Variants in PTPRJ observed in about 807,000 individuals in gnomAD.
The protein encoded by PTPRJ is protein tyrosine phosphatase receptor type J, also known as receptor-type tyrosine-protein phosphatase eta.
Under a neutral mutation model 141.3 loss-of-function variants are expected in PTPRJ, and 129 were observed. That is an observed-to-expected ratio of 0.91 (90% CI 0.79 to 1.06). The LOEUF is 1.06. Among genes scored for constraint, PTPRJ ranks in the 50% least tolerant of loss-of-function variants. The pLI is 0.00. For missense variants in PTPRJ, 1,601 were observed against 1,679.7 expected, an observed-to-expected ratio of 0.95 and a Z score of 0.82; for synonymous variants, 610 against 640.5, an observed-to-expected ratio of 0.95 and a Z score of 0.72.
rs964395983 is a variant in PTPRJ at position 48,145,879 on chromosome 11, C to T, written c.2911+755C>T. On this transcript the variant is annotated intron_variant, in intron 14 of 24. Coordinates refer to ENST00000418331, the MANE Select transcript of PTPRJ (RefSeq NM_002843.4). ...CAGCCTATTTATTTTATTTTTGAGA[C>T]GGAGTGTTGCTCTGTTGCCCAGGAG... 1.3e-4 allele frequency among the ~76,000 whole-genome samples: 20 copies of T among 152,080 alleles called. No homozygotes were observed. The South Asian group carries it at 1.7e-3, about 13-fold the overall frequency.
At chr11:48,159,157 G>C (rs1857699109) in intron 21 of PTPRJ, among the ~76,000 whole-genome samples, 1 of 150,670 alleles carries the variant, frequency 6.6e-6, no homozygotes, top group Admixed American at 6.6e-5. Flanking sequence ...GTGTGTGTGT[G>C]TGTGGTCATT....
chr11:48,034,928 G>A (rs1242755877), intron 1 of PTPRJ, among the ~76,000 whole-genome samples: 1 of 152,214 alleles, frequency 6.6e-6, no homozygotes. Flanking sequence ...AAGATATTAA[G>A]AGCCCGTTTT....
At chr11:48,119,542 G>T (rs1590525321) in intron 3 of PTPRJ, among the ~76,000 whole-genome samples, 1 of 152,158 alleles carries the variant, frequency 6.6e-6, no homozygotes, top group Non-Finnish European at 1.5e-5. Flanking sequence ...GGGATCACAG[G>T]TGGCTGCCAC....
chr11:48,137,203 T>TCATA lies in PTPRJ; in HGVS notation c.2077_2080dup (p.Thr694IlefsTer59), dbSNP rs771939422. 1 of 1,613,948 alleles carries TCATA rather than the reference T, an allele frequency of 6.2e-7. No individual in the cohort carries two copies. The highest frequency in any genetic ancestry group is 8.5e-7 in the Non-Finnish European group (1 of 1,179,814). On this transcript the variant is annotated frameshift_variant, in exon 10 of 25. Transcript: ENST00000418331. LOFTEE classifies it high-confidence loss of function. The stretch of plus-strand genomic sequence containing the variant: ...AGTCACTGAATTAATACCTGGCTCA[T>TCATA]CATACACAGTGGAGATCTTTGCACA...
In PTPRJ at chr11:48,102,047, C is replaced by T. The variant is rs144689814; in HGVS notation, c.97-8011C>T. ...AAACAGTTTGTTAATCATTTCAACC[C>T]GTGGACTTTGGTTGCAGGGTGCATT... On this transcript the variant is annotated intron_variant, in intron 1 of 24. Coordinates refer to ENST00000418331, the MANE Select transcript of PTPRJ (RefSeq NM_002843.4). 1.2e-3 allele frequency among the ~76,000 whole-genome samples: 185 copies of T among 152,262 alleles called. 1 individual carries two copies. The highest frequency in any genetic ancestry group is 4.2e-3 in the Admixed American group (64 of 15,296).
chr11:48,039,723 C>T (rs899983601), intron 1 of PTPRJ, among the ~76,000 whole-genome samples: 2 of 151,784 alleles, frequency 1.3e-5, no homozygotes, highest in Non-Finnish European at 2.9e-5. Context: ...CTGGTTGAGG[C>T]TTTAGGGCTC....
intron 1 of PTPRJ, among the ~76,000 whole-genome samples, chr11:48,079,215 T>G (rs1855496020): frequency 6.6e-6 from 1 of 152,032 alleles, no homozygotes; most frequent in African/African-American, 2.4e-5. Flanking sequence ...GAATTTGTGT[T>G]GGTCTGCATT....
chr11:48,000,779 A>C (rs920864474), intron 1 of PTPRJ, among the ~76,000 whole-genome samples: 1 of 150,836 alleles, frequency 6.6e-6, no homozygotes, highest in Non-Finnish European at 1.5e-5. Flanking sequence ...CTTATCACCT[A>C]CTCATTTCTG....
At chr11:47,995,432 A>C (rs1036795204) in intron 1 of PTPRJ, among the ~76,000 whole-genome samples, 2 of 152,202 alleles carry the variant, frequency 1.3e-5, no homozygotes, top group Non-Finnish European at 2.9e-5. Flanking sequence ...TCCAGGAAGG[A>C]CAGCTGGACT....
chr11:48,011,501 A>G (rs550286215), intron 1 of PTPRJ, among the ~76,000 whole-genome samples: 7 of 152,140 alleles, frequency 4.6e-5, no homozygotes, highest in Admixed American at 1.3e-4. Context: ...TCAGAATATG[A>G]TGGGCCAGTC....
Position 48,169,335 on chromosome 11 carries a change from A to C in PTPRJ, c.*1973A>C, listed in dbSNP as rs995772919. Reference sequence around the variant, plus strand: ...CAGTTCATTGAGTATCAGGTCCTCAAAGGAATGAGTTGGCCCGGCTAGGGT... The same window carrying C: ...CAGTTCATTGAGTATCAGGTCCTCACAGGAATGAGTTGGCCCGGCTAGGGT... On this transcript the variant is annotated 3_prime_UTR_variant, in exon 25 of 25. Coordinates refer to ENST00000418331, the MANE Select transcript of PTPRJ (RefSeq NM_002843.4). 6 of 152,158 alleles carry C rather than the reference A, an allele frequency of 3.9e-5. No homozygotes were observed. Among genetic ancestry groups the C allele is most frequent in the Non-Finnish European group, 5.9e-5 (4 of 68,036 alleles). 9.4% of individuals were successfully genotyped at this position (152,158 alleles called of 1,614,324 possible). A position where few individuals can be genotyped will look rare whatever the true frequency, so the allele number is the denominator to read the frequency against.
intron 1 of PTPRJ, among the ~76,000 whole-genome samples, chr11:48,099,100 A>G (rs1856089160): frequency 6.6e-6 from 1 of 152,210 alleles, no homozygotes; most frequent in Non-Finnish European, 1.5e-5. Flanking sequence ...TCAAGCTAGT[A>G]ATCATCAGAA....
Position 48,003,632 on chromosome 11 carries a change from A to C in PTPRJ, c.96+22624A>C, listed in dbSNP as rs374581955. 7.9e-5 allele frequency among the ~76,000 whole-genome samples: 12 copies of C among 152,032 alleles called. 1 individual carries two copies. Among genetic ancestry groups the C allele is most frequent in the Admixed American group, 5.9e-4 (9 of 15,262 alleles). Reference sequence around the variant, plus strand: ...TGCCTCAGCCTTCCAAATAGCTGGGATTATAGGCACCCACCACCATGCCCA... The same window carrying C: ...TGCCTCAGCCTTCCAAATAGCTGGGCTTATAGGCACCCACCACCATGCCCA... On this transcript the variant is annotated intron_variant, in intron 1 of 24. Coordinates refer to ENST00000418331, the MANE Select transcript of PTPRJ (RefSeq NM_002843.4).
intron 22 of PTPRJ, among the ~76,000 whole-genome samples, chr11:48,162,805 G>A (rs913232293): frequency 2.0e-5 from 3 of 152,142 alleles, no homozygotes; most frequent in Non-Finnish European, 2.9e-5. Flanking sequence ...TTTGGTATGA[G>A]GTAGGGAACC....
At chr11:48,021,001 T>G (rs988907226) in intron 1 of PTPRJ, among the ~76,000 whole-genome samples, 17 of 152,182 alleles carry the variant, frequency 1.1e-4, no homozygotes, top group Non-Finnish European at 2.2e-4. Flanking sequence ...TTTTCTTACT[T>G]TTTTAAGAGA....
chr11:48,149,680 C>T, intron 16 of PTPRJ, 192 bp downstream of exon 16: 1 of 537,700 alleles, frequency 1.9e-6, no homozygotes, highest in East Asian at 3.3e-5. Flanking sequence ...AAGCTGGCTT[C>T]CTTGTCATGT....
chr11:48,114,429 C>CAAAAAAA (rs71045544), intron 3 of PTPRJ, among the ~76,000 whole-genome samples: 7 of 68,734 alleles, frequency 1.0e-4, no homozygotes, highest in South Asian at 8.2e-4. Context: ...GACTCTGTCT[C>CAAAAAAA]AAAAAAAAAA....
At chr11:48,022,835 G>A (rs1024510164) in intron 1 of PTPRJ, among the ~76,000 whole-genome samples, 4 of 152,114 alleles carry the variant, frequency 2.6e-5, no homozygotes, top group African/African-American at 9.7e-5. Context: ...AAGAAGTGTG[G>A]AAGTGGCTGA....
chr11:48,149,564 G>T, intron 16 of PTPRJ, 76 bp downstream of exon 16: 1 of 1,014,560 alleles, frequency 9.9e-7, no homozygotes, highest in South Asian at 1.6e-5. Flanking sequence ...AATTTTTGAT[G>T]GAACTTGCTG....
Sources: allele counts gnomAD v4.1 joint callset (sites outside exome capture counted in the v4.1 genomes callset), GRCh38; gene constraint gnomAD v4.1.1; transcripts MANE v1.5; gene names NCBI Gene and HGNC (gene_info 2026-07-23, HGNC 2026-07-21).